Variants in INPP4A observed in about 807,000 individuals in gnomAD.
INPP4A encodes inositol polyphosphate-4-phosphatase type I A.
Under a neutral mutation model 119.8 loss-of-function variants are expected in INPP4A, and 33 were observed. The ratio of observed to expected loss-of-function variants is 0.28; its 90% confidence interval spans 0.21 to 0.37. The LOEUF (loss-of-function observed/expected upper bound fraction) is 0.37. Ranked by LOEUF, INPP4A falls within the 10% of genes least tolerant of loss-of-function variation. The pLI, the probability that INPP4A is intolerant of heterozygous loss-of-function variation, is 1.00. For missense variants in INPP4A, 956 were observed against 1,289.9 expected (o/e 0.74, Z 3.97); for synonymous variants, 496 against 500.7 (o/e 0.99, Z 0.12).
chr2:98,551,015 G>A (rs1693417672), intron 13 of INPP4A, among the ~76,000 whole-genome samples: 2 of 151,942 alleles, frequency 1.3e-5, no homozygotes, highest in Admixed American at 6.5e-5. Context: ...GAGTGCACTG[G>A]CACCGTCATA....
rs1366608223 is a variant in INPP4A at position 98,554,561 on chromosome 2, T to A, written c.1566+72T>A. The stretch of plus-strand genomic sequence containing the variant: ...AAAACCACAAAACCTGTTGCCAGTC[T>A]CTGCCCCTCTGAAGTGCCTCAAGGT... On this transcript the variant is annotated intron_variant, in intron 15 of 24. Transcript: ENST00000409851. The surrounding 1 kb of genome is among the most constrained non-coding windows in gnomAD (Gnocchi z 4.7). The A allele has an allele frequency of 1.5e-6, 2 of 1,352,648 alleles. No homozygotes were observed. The highest frequency in any genetic ancestry group is 1.4e-5 in the African/African-American group (1 of 69,760). The allele number at this position is 1,352,648 out of a possible 1,614,324, so 83.8% of individuals were successfully genotyped here. A position where few individuals can be genotyped will look rare whatever the true frequency, so the allele number is the denominator to read the frequency against.
chr2:98,583,562 C>G (rs1699625579), intron 24 of INPP4A, among the ~76,000 whole-genome samples: 1 of 152,234 alleles, frequency 6.6e-6, no homozygotes, highest in Non-Finnish European at 1.5e-5. Context: ...AGCAGCTTCT[C>G]TGTTTTCCAG....
intron 1 of INPP4A, among the ~76,000 whole-genome samples, chr2:98,474,163 T>A (rs546449243): frequency 2.0e-5 from 3 of 152,344 alleles, no homozygotes; most frequent in Admixed American, 2.0e-4. Context: ...GGTTTTGATT[T>A]CAGCCTCCCA....
At chr2:98,533,947 C>T (rs1163119814) in intron 5 of INPP4A, among the ~76,000 whole-genome samples, 1 of 152,182 alleles carries the variant, frequency 6.6e-6, no homozygotes, top group African/African-American at 2.4e-5. Flanking sequence ...TAACTTTTCC[C>T]ACTAAGTTAC....
At position 98,519,937 on chromosome 2, in the gene INPP4A, T is replaced by A; in HGVS notation, c.-103-9T>A. 5.1e-6 allele frequency: 4 copies of A among 790,370 alleles called. No homozygotes were observed. Among genetic ancestry groups the A allele is most frequent in the South Asian group, 3.0e-5 (2 of 66,678 alleles). 49.0% of individuals were successfully genotyped at this position (790,370 alleles called of 1,614,324 possible). A position where few individuals can be genotyped will look rare whatever the true frequency, so the allele number is the denominator to read the frequency against. On this transcript the variant is annotated splice_polypyrimidine_tract_variant and intron_variant, in intron 2 of 24. Coordinates refer to ENST00000409851, the MANE Select transcript of INPP4A (RefSeq NM_001134225.2). ...CCCCATGGTTTCTTACAAGTGCTCC[T>A]TTTCTCAGGGCTACTGCCACTTTAG...
intron 13 of INPP4A, among the ~76,000 whole-genome samples, chr2:98,549,497 G>C (rs748474574): frequency 6.6e-6 from 1 of 152,178 alleles, no homozygotes; most frequent in African/African-American, 2.4e-5. Flanking sequence ...ATACAACTGA[G>C]TGACTTTTTC....
rs892232482 is a variant in INPP4A at position 98,591,162 on chromosome 2, G to A, written c.*3554G>A. On this transcript the variant is annotated 3_prime_UTR_variant, in exon 25 of 25. Transcript: ENST00000409851. ...ATTTTGATGCTTGTTCTGAAATGGA[G>A]TCCTGGCTTCACCATGGAAGGTGGG... is the stretch of plus-strand genomic sequence containing the variant. 1 of 181,328 alleles carries A rather than the reference G, an allele frequency of 5.5e-6. No individual in the cohort carries two copies. Among genetic ancestry groups the A allele is most frequent in the Admixed American group, 6.3e-5 (1 of 15,984 alleles). The allele number at this position is 181,328 out of a possible 1,614,324, so 11.2% of individuals were successfully genotyped here. A position where few individuals can be genotyped will look rare whatever the true frequency, so the allele number is the denominator to read the frequency against.
intron 1 of INPP4A, among the ~76,000 whole-genome samples, chr2:98,479,279 T>TG (rs923667947): frequency 6.6e-6 from 1 of 152,166 alleles, no homozygotes; most frequent in Non-Finnish European, 1.5e-5. Flanking sequence ...GTGGTGCTGA[T>TG]GGGGGGTATC....
chr2:98,519,560 C>T (rs1465224198), intron 2 of INPP4A: 1 of 156,164 alleles, frequency 6.4e-6, no homozygotes, highest in African/African-American at 2.4e-5. Flanking sequence ...GCAGCTCTTA[C>T]CCTTCTCACA....
intron 1 of INPP4A, among the ~76,000 whole-genome samples, chr2:98,445,567 A>G (rs1026652167): frequency 1.3e-5 from 2 of 152,182 alleles, no homozygotes; most frequent in Admixed American, 6.5e-5. Flanking sequence ...TTTGCTTTCT[A>G]TATTTTATTT....
intron 1 of INPP4A, among the ~76,000 whole-genome samples, chr2:98,477,884 T>C (rs745360773): frequency 6.6e-6 from 1 of 152,156 alleles, no homozygotes; most frequent in Non-Finnish European, 1.5e-5. Context: ...GGATTGGAAA[T>C]GGAGAGGGCA....
chr2:98,452,359 A>G (rs1048071068), intron 1 of INPP4A, among the ~76,000 whole-genome samples: 43 of 152,216 alleles, frequency 2.8e-4, no homozygotes, highest in African/African-American at 1.0e-3. Context: ...ATCCTACCCC[A>G]CCCACTGAAT....
intron 24 of INPP4A, among the ~76,000 whole-genome samples, chr2:98,587,248 G>A (rs1330899296): frequency 6.6e-6 from 1 of 152,120 alleles, no homozygotes; most frequent in African/African-American, 2.4e-5. Context: ...TTTTAGGAAC[G>A]CACAACTCAC....
chr2:98,492,586 G>A lies in INPP4A; in HGVS notation c.-165-26378G>A, dbSNP rs190872531. 1.3e-4 allele frequency among the ~76,000 whole-genome samples: 20 copies of A among 152,290 alleles called. 1 individual carries two copies. In the East Asian group the frequency reaches 2.3e-3, roughly 18 times the overall value. The stretch of plus-strand genomic sequence containing the variant: ...GGAGATCTCAAAGGGGTGAGAGAGC[G>A]GGGCTCTAGAGACCTGGGAGCCCTT... On this transcript the variant is annotated intron_variant, in intron 1 of 24. Coordinates refer to ENST00000409851, the MANE Select transcript of INPP4A (RefSeq NM_001134225.2).
rs1231469932 is a variant in INPP4A at position 98,563,509 on chromosome 2, G to A, written c.1900G>A (p.Asp634Asn). 3.1e-6 allele frequency: 5 copies of A among 1,613,610 alleles called. No homozygotes were observed. Among genetic ancestry groups the A allele is most frequent in the African/African-American group, 1.3e-5 (1 of 74,920 alleles). ...TTACCCGCTGCTGACCACTCTCACC[G>A]ACTGCGTGGCCATGATGAGTGACAA... ...ALYPLLTTLTDCVAMMSDKAK... is the reference protein window; with the variant it reads ...ALYPLLTTLTNCVAMMSDKAK... Residue 634 changes from aspartate (D) to asparagine (N), a missense_variant, in exon 18 of 25, where the codon GAC (aspartate) becomes AAC (asparagine). Transcript: ENST00000409851.
At chr2:98,479,955 C>T (rs1180043932) in intron 1 of INPP4A, among the ~76,000 whole-genome samples, 1 of 152,202 alleles carries the variant, frequency 6.6e-6, no homozygotes, top group Admixed American at 6.5e-5. Context: ...AAGCTATTTT[C>T]TTAAGGCTTT....
In INPP4A at chr2:98,588,296, G is replaced by A; in HGVS notation, c.*688G>A. The A allele has an allele frequency of 4.9e-6, 1 of 203,316 alleles. No individual in the cohort carries two copies. Among genetic ancestry groups the A allele is most frequent in the South Asian group, 1.9e-4 (1 of 5,266 alleles). The allele number at this position is 203,316 out of a possible 1,614,324, so 12.6% of individuals were successfully genotyped here. On this transcript the variant is annotated 3_prime_UTR_variant, in exon 25 of 25. Coordinates refer to ENST00000409851, the MANE Select transcript of INPP4A (RefSeq NM_001134225.2). ...TTATGAGTTACAGAACAGGGAGTCTGCTGGAGACACAAAGCCAGCAGTAAG... is the reference window on the plus strand; with the variant it reads ...TTATGAGTTACAGAACAGGGAGTCTACTGGAGACACAAAGCCAGCAGTAAG...
At chr2:98,474,848 A>G (rs916781360) in intron 1 of INPP4A, among the ~76,000 whole-genome samples, 2 of 152,136 alleles carry the variant, frequency 1.3e-5, no homozygotes, top group African/African-American at 4.8e-5. Flanking sequence ...GGGGGATACA[A>G]AAGTTATTTT....
intron 1 of INPP4A, among the ~76,000 whole-genome samples, chr2:98,492,091 T>C (rs1314293202): frequency 6.6e-6 from 1 of 152,160 alleles, no homozygotes; most frequent in Non-Finnish European, 1.5e-5. Context: ...GGTTTCACCA[T>C]ATTGGCCAGG....
Sources: allele counts gnomAD v4.1 joint callset (sites outside exome capture counted in the v4.1 genomes callset), GRCh38; gene constraint gnomAD v4.1.1; non-coding constraint Gnocchi (gnomAD v3.1); transcripts MANE v1.5; gene names NCBI Gene and HGNC (gene_info 2026-07-23, HGNC 2026-07-21).